Variants in SH3BP2 observed in about 807,000 individuals in gnomAD.
SH3BP2 encodes SH3 domain-binding protein 2.
SH3BP2 carries 38 observed loss-of-function variants against 56.2 expected under a neutral mutation model. The observed-to-expected ratio is 0.68, with a 90% CI of 0.52 to 0.89. SH3BP2 has a LOEUF of 0.89. Ranked by LOEUF, SH3BP2 falls within the 40% of genes least tolerant of loss-of-function variation. The pLI, the probability that SH3BP2 is intolerant of heterozygous loss-of-function variation, is 0.00. For missense variants in SH3BP2, 748 were observed against 762.6 expected (o/e 0.98, Z 0.23); for synonymous variants, 346 against 316.7 (o/e 1.09, Z -0.98).
intron 1 of SH3BP2, among the ~76,000 whole-genome samples, chr4:2,802,402 A>ATG (rs1467639495): frequency 9.0e-5 from 9 of 100,428 alleles, no homozygotes; most frequent in African/African-American, 1.3e-4. Context: ...TCAAAAAAAT[A>ATG]TATGTGTGTG....
chr4:2,812,592 G>A, intron 1 of SH3BP2: 1 of 1,329,876 alleles, frequency 7.5e-7, no homozygotes, highest in Non-Finnish European at 1.0e-6. Context: ...CTGGCCGTGG[G>A]AGCCCACAGG....
intron 1 of SH3BP2, among the ~76,000 whole-genome samples, chr4:2,793,994 C>G (rs991984644): frequency 2.6e-5 from 4 of 152,348 alleles, no homozygotes; most frequent in Admixed American, 2.6e-4. Flanking sequence ...CACCTCCTAT[C>G]CCCTCTCTGT....
rs575530544 is a variant in SH3BP2 at position 2,837,213 on chromosome 4, G to A, written c.*3379G>A. 1.3e-5 allele frequency: 2 copies of A among 152,280 alleles called. No homozygotes were observed. Among genetic ancestry groups the A allele is most frequent in the African/African-American group, 4.8e-5 (2 of 41,552 alleles). 9.4% of individuals were successfully genotyped at this position (152,280 alleles called of 1,614,324 possible). On this transcript the variant is annotated 3_prime_UTR_variant, in exon 13 of 13. Transcript: ENST00000503393. ...CTGCCAAATTTTTGTATTTTTAGTG[G>A]AACCGGGGTTTCACCATGTTGGCCA...
chr4:2,822,638 C>G (rs982100460), intron 2 of SH3BP2, among the ~76,000 whole-genome samples: 4 of 152,250 alleles, frequency 2.6e-5, no homozygotes, highest in African/African-American at 9.6e-5. Flanking sequence ...CTGGCTCTGC[C>G]TTGCCTCATG....
rs1370766856 is a variant in SH3BP2 at position 2,802,542 on chromosome 4, G to GTA, written c.-5+9405_-5+9406insAT. The stretch of plus-strand genomic sequence containing the variant: ...TGTATATATATATGTATGTGTGTGT[G>GTA]TGTATATATATGTGTATATATGTAT... On this transcript the variant is annotated intron_variant, in intron 1 of 12. Coordinates refer to ENST00000503393, the MANE Select transcript of SH3BP2 (RefSeq NM_001122681.2). Among the ~76,000 whole-genome samples the GTA allele has an allele frequency of 3.0e-4, 42 of 137,912 alleles. 3 individuals are homozygous for GTA. The highest frequency in any genetic ancestry group is 2.2e-4 in the South Asian group (1 of 4,474). The allele number at this position is 137,912 out of a possible 152,430, so 90.5% of individuals were successfully genotyped here. A position where few individuals can be genotyped will look rare whatever the true frequency, so the allele number is the denominator to read the frequency against.
chr4:2,832,256 G>T, intron 10 of SH3BP2, 75 bp from the exon 11 acceptor site: 1 of 1,280,092 alleles, frequency 7.8e-7, no homozygotes, highest in South Asian at 1.2e-5. Flanking sequence ...AGCCAGGCTT[G>T]GGAGCGGGGC....
intron 1 of SH3BP2, among the ~76,000 whole-genome samples, chr4:2,798,378 C>T (rs1300843714): frequency 6.6e-6 from 1 of 152,232 alleles, no homozygotes; most frequent in South Asian, 2.1e-4. Flanking sequence ...CCGGATTTCT[C>T]ACCATTAGGA....
intron 2 of SH3BP2, among the ~76,000 whole-genome samples, chr4:2,822,655 C>T (rs1724370952): frequency 1.3e-5 from 2 of 152,378 alleles, no homozygotes; most frequent in African/African-American, 2.4e-5. Flanking sequence ...CATGCTGGCT[C>T]CACACAGCCC....
intron 1 of SH3BP2, among the ~76,000 whole-genome samples, chr4:2,803,197 C>T (rs750139484): frequency 6.6e-6 from 1 of 152,192 alleles, no homozygotes; most frequent in Non-Finnish European, 1.5e-5. Flanking sequence ...TACACAGCTG[C>T]CTACACAGGG....
At chr4:2,832,001 G>A (rs552465082) in intron 10 of SH3BP2, 23 bp downstream of exon 10, 1 of 1,611,828 alleles carries the variant, frequency 6.2e-7, no homozygotes, top group Non-Finnish European at 8.5e-7. Context: ...CCCTGTGTGT[G>A]CTGGGTCCTC....
chr4:2,812,370 C>T (rs1300208864), intron 1 of SH3BP2: 10 of 1,550,290 alleles, frequency 6.5e-6, no homozygotes, highest in African/African-American at 4.1e-5. Context: ...GAGATGTAGG[C>T]TGCCTGGGCT....
chr4:2,832,625 G>A (rs1725052532), intron 11 of SH3BP2, among the ~76,000 whole-genome samples: 1 of 152,224 alleles, frequency 6.6e-6, no homozygotes, highest in Admixed American at 6.5e-5. Context: ...CCTCCCAGTG[G>A]GGGCCAGGAC....
At chr4:2,820,245 G>T (rs1477567711) in intron 1 of SH3BP2, among the ~76,000 whole-genome samples, 1 of 152,192 alleles carries the variant, frequency 6.6e-6, no homozygotes, top group Non-Finnish European at 1.5e-5. Context: ...ATGGCCTGAG[G>T]TCTCACTTAC....
At chr4:2,821,633 C>G (rs1037174990) in intron 2 of SH3BP2, among the ~76,000 whole-genome samples, 2 of 152,130 alleles carry the variant, frequency 1.3e-5, no homozygotes, top group Non-Finnish European at 2.9e-5. Context: ...GATCATGGCT[C>G]ACTGCAGCCT....
At chr4:2,820,578 C>G (rs748027906) in intron 1 of SH3BP2, 36 bp from the exon 2 acceptor site, 7 of 1,613,806 alleles carry the variant, frequency 4.3e-6, no homozygotes, top group Non-Finnish European at 5.9e-6. Context: ...CCTGCCTGAC[C>G]GTAGCTGAGC....
chr4:2,807,973 C>T (rs1306122461), intron 1 of SH3BP2, among the ~76,000 whole-genome samples: 1 of 152,162 alleles, frequency 6.6e-6, no homozygotes, highest in African/African-American at 2.4e-5. Context: ...GACAGGCACG[C>T]CCACACTCGG....
At position 2,827,590 on chromosome 4, in the gene SH3BP2, C is replaced by A. The variant is rs367809628; in HGVS notation, c.518-16C>A. The A allele has an allele frequency of 1.7e-5, 27 of 1,581,776 alleles. No homozygotes were observed. Among genetic ancestry groups the A allele is most frequent in the South Asian group, 3.5e-5 (3 of 86,720 alleles). On this transcript the variant is annotated splice_polypyrimidine_tract_variant and intron_variant, in intron 6 of 12. Coordinates refer to ENST00000503393, the MANE Select transcript of SH3BP2 (RefSeq NM_001122681.2). ...TGGGCCGGTTTGGCTCTCACCACCC[C>A]CCTCTCCCCATGCAGACTATGAGCA...
chr4:2,793,846 G>C (rs1331573522), intron 1 of SH3BP2: 1 of 152,326 alleles, frequency 6.6e-6, no homozygotes, highest in Admixed American at 6.5e-5. Context: ...TTAGGGGGCG[G>C]GGACAGCCCC....
Position 2,825,029 on chromosome 4 carries a change from G to T in SH3BP2, c.358-97G>T, listed in dbSNP as rs191685921. ...AGCCGGGTCGCCTCCTCTGACCTTGGGAGTCACAGCAGAGCAGGCAGGGCA... is the reference window on the plus strand; with the variant it reads ...AGCCGGGTCGCCTCCTCTGACCTTGTGAGTCACAGCAGAGCAGGCAGGGCA... On this transcript the variant is annotated intron_variant, in intron 4 of 12. Coordinates refer to ENST00000503393, the MANE Select transcript of SH3BP2 (RefSeq NM_001122681.2). The T allele has an allele frequency of 6.4e-4, 756 of 1,186,556 alleles. 6 individuals carry two copies. In the African/African-American group the frequency reaches 0.011, roughly 17 times the overall value. The allele number at this position is 1,186,556 out of a possible 1,614,324, so 73.5% of individuals were successfully genotyped here.
Sources: allele counts gnomAD v4.1 joint callset (sites outside exome capture counted in the v4.1 genomes callset), GRCh38; gene constraint gnomAD v4.1.1; transcripts MANE v1.5; gene names NCBI Gene and HGNC (gene_info 2026-07-23, HGNC 2026-07-21).